The following TNRC6A variants were observed in gnomAD, a reference collection of about 807,000 sequenced individuals.
TNRC6A encodes the protein trinucleotide repeat-containing gene 6A protein.
In TNRC6A, 44 loss-of-function variants were observed where a neutral mutation model predicts 221.2. The observed-to-expected ratio is 0.20, with a 90% CI of 0.16 to 0.26. The LOEUF is 0.26. Among genes scored for constraint, TNRC6A ranks in the 10% least tolerant of loss-of-function variants. TNRC6A has a pLI of 1.00. For missense variants in TNRC6A, 2,199 were observed against 2,404.4 expected (o/e 0.91, Z 1.79); for synonymous variants, 847 against 838.5 (o/e 1.01, Z -0.18).
At chr16:24,759,008 A>G (rs1291637908) in intron 4 of TNRC6A, among the ~76,000 whole-genome samples, 1 of 152,172 alleles carries the variant, frequency 6.6e-6, no homozygotes, top group Non-Finnish European at 1.5e-5. Flanking sequence ...GAACTTATTA[A>G]GCCTCAAGAT....
chr16:24,713,263 C>T (rs1188022075), intron 2 of TNRC6A, among the ~76,000 whole-genome samples: 1 of 151,852 alleles, frequency 6.6e-6, no homozygotes, highest in African/African-American at 2.4e-5. Context: ...ACTAAAAATA[C>T]AAAAATCAGC....
chr16:24,722,814 G>A (rs1366248376), intron 2 of TNRC6A, among the ~76,000 whole-genome samples: 1 of 152,108 alleles, frequency 6.6e-6, no homozygotes, highest in Non-Finnish European at 1.5e-5. Context: ...GAGTTTTAGG[G>A]GTGTTCTACG....
chr16:24,802,536 C>G (rs765149753), intron 11 of TNRC6A, among the ~76,000 whole-genome samples: 2 of 152,098 alleles, frequency 1.3e-5, no homozygotes, highest in African/African-American at 2.4e-5. Context: ...GCAGCAGAGC[C>G]AGACACTGTC....
intron 2 of TNRC6A, among the ~76,000 whole-genome samples, chr16:24,683,650 GC>G (rs1405901916): frequency 2.6e-5 from 4 of 152,188 alleles, no homozygotes. Context: ...GAGGTAAACT[GC>G]CCGAGTTCAA....
chr16:24,744,352 C>T lies in TNRC6A; in HGVS notation c.54-6374C>T, dbSNP rs565619850. Among the ~76,000 whole-genome samples, 393 of 152,270 alleles carry T rather than the reference C, an allele frequency of 2.6e-3. 1 individual carries two copies. The highest frequency in any genetic ancestry group is 4.1e-3 in the Non-Finnish European group (278 of 68,026). ...TTAATAACACTATTGTTGGGAGATA[C>T]TTTGAGAGTACGTAAATGTCTTGTT... On this transcript the variant is annotated intron_variant, in intron 2 of 24. Transcript: ENST00000395799.
At chr16:24,622,068 C>T (rs1900701148) in intron 1 of TNRC6A, among the ~76,000 whole-genome samples, 1 of 152,090 alleles carries the variant, frequency 6.6e-6, no homozygotes, top group South Asian at 2.1e-4. Context: ...ACATCACTTC[C>T]AAAATAGAAT....
chr16:24,809,318 C>T, intron 17 of TNRC6A, 32 bp from the exon 18 acceptor site: 1 of 1,471,624 alleles, frequency 6.8e-7, no homozygotes, highest in South Asian at 1.6e-5. Flanking sequence ...GCTGTATTTT[C>T]TAAGGTTTTG....
At chr16:24,786,927 C>T (rs1057355938) in intron 5 of TNRC6A, among the ~76,000 whole-genome samples, 2 of 152,192 alleles carry the variant, frequency 1.3e-5, no homozygotes, top group African/African-American at 2.4e-5. Flanking sequence ...GTGATCCCCT[C>T]GCCTTGGCCT....
intron 1 of TNRC6A, among the ~76,000 whole-genome samples, chr16:24,628,804 T>C (rs922691934): frequency 1.3e-5 from 2 of 150,388 alleles, no homozygotes; most frequent in African/African-American, 4.9e-5. Flanking sequence ...TCGGTGCCCC[T>C]AACTCCCACA....
rs368319512 is a variant in TNRC6A at position 24,791,494 on chromosome 16, A to G, written c.2852A>G (p.Asp951Gly). The G allele has an allele frequency of 5.2e-6, 8 of 1,532,414 alleles. No homozygotes were observed. The African/African-American group carries it at 1.1e-4, about 21-fold the overall frequency. The allele number at this position is 1,532,414 out of a possible 1,614,324, so 94.9% of individuals were successfully genotyped here. A position where few individuals can be genotyped will look rare whatever the true frequency, so the allele number is the denominator to read the frequency against. The change falls in exon 6 of 25, where the codon GAC (aspartate) becomes GGC (glycine). Residue 951 changes from aspartate (D) to glycine (G), a missense_variant. Physicochemically the swap from Asp to Gly is moderately conservative, Grantham distance 94. Transcript: ENST00000395799. ...TCTCCAGACTGGAACAAGCAACAAG[A>G]CATTGTTGGATCTTGGGGAATCCCA... ...VSSPDWNKQQ[D>G]IVGSWGIPPA...
At chr16:24,656,435 C>A in intron 2 of TNRC6A, among the ~76,000 whole-genome samples, 1 of 146,560 alleles carries the variant, frequency 6.8e-6, no homozygotes, top group East Asian at 2.0e-4. Context: ...CCACTGCACT[C>A]CAGCCTGGGC....
rs372391876 is a variant in TNRC6A, at chr16:24,674,247, T to C, written n.402+33238T>C. Among the ~76,000 whole-genome samples, 4 of 152,052 alleles carry C rather than the reference T, an allele frequency of 2.6e-5. No individual in the cohort carries two copies. The East Asian group carries it at 5.8e-4, about 22-fold the overall frequency. On this transcript the variant is annotated intron_variant and non_coding_transcript_variant, in intron 2 of 2. Coordinates refer to the TNRC6A transcript ENST00000566108. ...ACCACGCCAGCTATTTTTTTATTTTTAGTAGCAACAAGGTCTCGATGTGTT... is the reference window on the plus strand; with the variant it reads ...ACCACGCCAGCTATTTTTTTATTTTCAGTAGCAACAAGGTCTCGATGTGTT...
chr16:24,779,651 A>G (rs766911641), intron 5 of TNRC6A, among the ~76,000 whole-genome samples: 1 of 152,176 alleles, frequency 6.6e-6, no homozygotes, highest in African/African-American at 2.4e-5. Context: ...AGATAGTATC[A>G]TGTTCATTTT....
intron 18 of TNRC6A, among the ~76,000 whole-genome samples, chr16:24,811,180 T>C (rs1449404999): frequency 3.9e-5 from 6 of 152,286 alleles, no homozygotes; most frequent in African/African-American, 1.4e-4. Context: ...TGGCACACTT[T>C]GGAATGTGCA....
chr16:24,782,621 T>C (rs948923651), intron 5 of TNRC6A, among the ~76,000 whole-genome samples: 1 of 152,190 alleles, frequency 6.6e-6, no homozygotes, highest in South Asian at 2.1e-4. Context: ...CTCATGCCTG[T>C]AATCCCAGTG....
chr16:24,620,331 C>T (rs1272676236), intron 1 of TNRC6A, among the ~76,000 whole-genome samples: 1 of 152,122 alleles, frequency 6.6e-6, no homozygotes, highest in Non-Finnish European at 1.5e-5. Context: ...TATCCGTTTG[C>T]AATGCTACCT....
chr16:24,727,260 C>G (rs1311160818), upstream of TNRC6A, among the ~76,000 whole-genome samples: 1 of 152,102 alleles, frequency 6.6e-6, no homozygotes, highest in Non-Finnish European at 1.5e-5. Context: ...AACTCCTGAC[C>G]TCAGATGATC....
At chr16:24,717,970 G>A (rs545929730) in intron 2 of TNRC6A, among the ~76,000 whole-genome samples, 1 of 151,756 alleles carries the variant, frequency 6.6e-6, no homozygotes, top group African/African-American at 2.4e-5. Flanking sequence ...GTAGAGACAG[G>A]GTTTCCCATG....
intron 17 of TNRC6A, among the ~76,000 whole-genome samples, chr16:24,807,977 C>T (rs2058469356): frequency 6.6e-6 from 1 of 152,214 alleles, no homozygotes; most frequent in Admixed American, 6.5e-5. Context: ...CTGGTATTAC[C>T]ACAGACTCTC....
Sources: allele counts gnomAD v4.1 joint callset (sites outside exome capture counted in the v4.1 genomes callset), GRCh38; gene constraint gnomAD v4.1.1; transcripts MANE v1.5; gene names NCBI Gene and HGNC (gene_info 2026-07-23, HGNC 2026-07-21).